Variants in PCDHA8 observed in about 807,000 individuals in gnomAD.
PCDHA8 encodes protocadherin alpha-8.
Under a neutral mutation model 61.8 loss-of-function variants are expected in PCDHA8, and 53 were observed. That is an observed-to-expected ratio of 0.86 (90% CI 0.69 to 1.08). The LOEUF is 1.08. PCDHA8 is among the 50% of genes least tolerant of loss of function. PCDHA8 has a pLI of 0.00. For missense variants in PCDHA8, 1,293 were observed against 1,245.0 expected (o/e 1.04, Z -0.58); for synonymous variants, 618 against 556.6 (o/e 1.11, Z -1.55).
At chr5:140,924,903 AAATAAAATAAAATAAAAT>A (rs2082154741) in intron 1 of PCDHA8, among the ~76,000 whole-genome samples, 1 of 54,856 alleles carries the variant, frequency 1.8e-5, no homozygotes, top group Non-Finnish European at 3.6e-5. Flanking sequence ...TCAAAAAAAA[AAATAAAATAAAATAAAAT>A]AAAATAAAAT....
At position 140,883,293 on chromosome 5, in the gene PCDHA8, A is replaced by G. The variant is rs1324977852; in HGVS notation, c.2394+39578A>G. On this transcript the variant is annotated intron_variant, in intron 1 of 3. Coordinates refer to ENST00000531613, the MANE Select transcript of PCDHA8 (RefSeq NM_018911.3). ...TGTACCCTTTTGGTGGAAGTACTAGATGTAAATGATAACGCCCCAGAGGTT... is the reference window on the plus strand; with the variant it reads ...TGTACCCTTTTGGTGGAAGTACTAGGTGTAAATGATAACGCCCCAGAGGTT... 2 of 1,614,102 alleles carry G rather than the reference A, an allele frequency of 1.2e-6. No homozygotes were observed. Among genetic ancestry groups the G allele is most frequent in the Non-Finnish European group, 1.7e-6 (2 of 1,180,026 alleles).
At chr5:140,852,072 G>A in intron 1 of PCDHA8, 2 of 903,554 alleles carry the variant, frequency 2.2e-6, no homozygotes, top group Non-Finnish European at 2.7e-6. Context: ...TTCTCTTTCA[G>A]CTATTTTATT....
Position 140,850,429 on chromosome 5 carries a change from A to T in PCDHA8, c.2394+6714A>T. The T allele has an allele frequency of 1.3e-6, 2 of 1,597,934 alleles. 1 individual carries two copies. Among genetic ancestry groups the T allele is most frequent in the Middle Eastern group, 3.3e-4 (2 of 5,994 alleles). ...CTGGACGAAACGGACGCACCGCGCC[A>T]GCGCCTACTGGTGCTGGTGAAAGAC... On this transcript the variant is annotated intron_variant, in intron 1 of 3. Coordinates refer to ENST00000531613, the MANE Select transcript of PCDHA8 (RefSeq NM_018911.3).
At chr5:140,858,285 G>C in intron 1 of PCDHA8, 1 of 1,597,520 alleles carries the variant, frequency 6.3e-7, no homozygotes, top group Non-Finnish European at 8.6e-7. Context: ...GTGGGGAGCT[G>C]GTCTTACTCG....
chr5:140,868,449 C>T (rs1323009325), intron 1 of PCDHA8: 1 of 152,158 alleles, frequency 6.6e-6, no homozygotes, highest in Non-Finnish European at 1.5e-5. Context: ...GGAACATAAA[C>T]ACTAAAGAGC....
intron 1 of PCDHA8, among the ~76,000 whole-genome samples, chr5:140,910,422 C>T (rs1184807086): frequency 6.6e-6 from 1 of 152,148 alleles, no homozygotes; most frequent in Non-Finnish European, 1.5e-5. Flanking sequence ...TCCAATTATT[C>T]CCATTGCATT....
chr5:140,856,138 C>T (rs1463600919), intron 1 of PCDHA8: 4 of 1,598,158 alleles, frequency 2.5e-6, no homozygotes, highest in East Asian at 4.5e-5. Flanking sequence ...GCGGCCAGCT[C>T]CACTACTCAG....
At chr5:140,986,940 G>A (rs1371744170) in intron 3 of PCDHA8, among the ~76,000 whole-genome samples, 1 of 152,280 alleles carries the variant, frequency 6.6e-6, no homozygotes, top group South Asian at 2.1e-4. Flanking sequence ...GAGGCTGGGT[G>A]TGGTCGCTCA....
chr5:140,985,268 A>G (rs1399255449), intron 3 of PCDHA8, among the ~76,000 whole-genome samples: 6 of 152,098 alleles, frequency 3.9e-5, no homozygotes, highest in African/African-American at 1.2e-4. Context: ...TTTCTGGACT[A>G]CTTTTCTGCA....
intron 1 of PCDHA8, among the ~76,000 whole-genome samples, chr5:140,845,454 C>T: frequency 6.7e-6 from 1 of 149,512 alleles, no homozygotes; most frequent in East Asian, 1.9e-4. Context: ...TTCTTCAACT[C>T]TCTGATATTT....
At chr5:140,950,882 G>C (rs1182849126) in intron 1 of PCDHA8, among the ~76,000 whole-genome samples, 1 of 151,764 alleles carries the variant, frequency 6.6e-6, no homozygotes, top group Non-Finnish European at 1.5e-5. Flanking sequence ...TTGTTCAATA[G>C]GTCTCTGAGA....
chr5:140,915,681 G>C (rs1261107431), intron 1 of PCDHA8, among the ~76,000 whole-genome samples: 1 of 151,116 alleles, frequency 6.6e-6, no homozygotes, highest in Non-Finnish European at 1.5e-5. Context: ...TCTTGAACTA[G>C]GGGTATGGTG....
At chr5:140,993,031 C>T (rs186292405) in intron 3 of PCDHA8, among the ~76,000 whole-genome samples, 19 of 152,274 alleles carry the variant, frequency 1.2e-4, no homozygotes, top group Non-Finnish European at 1.8e-4. Context: ...CTGTGGGCTC[C>T]GTGTGTCATC....
intron 1 of PCDHA8, chr5:140,856,537 G>A: frequency 1.9e-6 from 3 of 1,598,370 alleles, no homozygotes; most frequent in Non-Finnish European, 1.7e-6. Flanking sequence ...ATGTTGGAGA[G>A]AACGCATTGC....
In PCDHA8 at chr5:140,967,846, C is replaced by T. The variant is rs151021111; in HGVS notation, c.2395-11103C>T. ...TGGTGGACATCGTGGACGTGAATGA[C>T]AATGCCCCAGAGGTGGTGCTCACGG... On this transcript the variant is annotated intron_variant, in intron 1 of 3. Coordinates refer to ENST00000531613, the MANE Select transcript of PCDHA8 (RefSeq NM_018911.3). 708 of 1,614,166 alleles carry T rather than the reference C, an allele frequency of 4.4e-4. 2 individuals are homozygous for T. Among genetic ancestry groups the T allele is most frequent in the Middle Eastern group, 2.8e-3 (17 of 6,062 alleles).
chr5:140,987,730 C>CAA (rs2097266231), intron 3 of PCDHA8, among the ~76,000 whole-genome samples: 1 of 152,066 alleles, frequency 6.6e-6, no homozygotes, highest in African/African-American at 2.4e-5. Flanking sequence ...CCTACAGCTT[C>CAA]AAAATTTAGA....
intron 1 of PCDHA8, chr5:140,871,528 T>G: frequency 2.0e-6 from 3 of 1,530,602 alleles, no homozygotes; most frequent in Non-Finnish European, 2.6e-6. Context: ...TATCAGGAAG[T>G]GTATGTGAAA....
intron 1 of PCDHA8, among the ~76,000 whole-genome samples, chr5:140,924,668 G>T (rs2081943079): frequency 6.6e-6 from 1 of 152,142 alleles, no homozygotes; most frequent in Non-Finnish European, 1.5e-5. Context: ...GCCGAGGCAG[G>T]CCAATCACTT....
chr5:140,932,101 T>G (rs1281828369), intron 1 of PCDHA8, among the ~76,000 whole-genome samples: 6 of 151,958 alleles, frequency 3.9e-5, no homozygotes, highest in Non-Finnish European at 8.8e-5. Context: ...TTTTTATCTC[T>G]GTATTTCCAA....
Sources: gnomAD v4.1 joint callset for allele counts (sites outside exome capture counted in the v4.1 genomes callset) on GRCh38, gnomAD v4.1.1 for gene constraint, MANE v1.5 for transcripts, NCBI Gene and HGNC (gene_info 2026-07-23, HGNC 2026-07-21) for gene names.